Variants in SETD1A observed in about 807,000 individuals in gnomAD.
SETD1A encodes SET domain containing 1A, histone lysine methyltransferase.
In SETD1A, 29 loss-of-function variants were observed where a neutral mutation model predicts 149.9. The ratio of observed to expected loss-of-function variants is 0.19; its 90% CI spans 0.14 to 0.26. The LOEUF (loss-of-function observed/expected upper bound fraction) is 0.26, where lower values mean the gene tolerates loss of function less well. Ranked by LOEUF, SETD1A falls within the 10% of genes least tolerant of loss-of-function variation. The probability of loss-of-function intolerance (pLI) is 1.00; values close to 1 mark genes in which losing one functional copy is unlikely to be tolerated. For synonymous variants in SETD1A, 1,141 were observed against 968.5 expected, an observed-to-expected ratio of 1.18 and a Z score of -3.31; for missense variants, 2,109 against 2,353.1, an observed-to-expected ratio of 0.90 and a Z score of 2.15.
Position 30,979,328 on chromosome 16 carries a change from C to T in SETD1A, c.3542C>T (p.Pro1181Leu), listed in dbSNP as rs2056330630. ...SAIEVVPAPE[P>L]PPATPPQAKF... The stretch of plus-strand genomic sequence containing the variant: ...ATCGAGGTGGTGCCAGCCCCGGAGC[C>T]CCCTCCAGCCACACCGCCGCAGGCC... Residue 1181 changes from proline (P) to leucine (L), a missense_variant, in exon 14 of 19, where the codon CCC (proline) becomes CTC (leucine). By Grantham distance (98) the Pro-to-Leu change is moderately conservative. This residue lies in a region of SETD1A where 832 missense variants were observed against 815.6 expected (regional missense o/e 1.02). Coordinates refer to ENST00000262519, the MANE Select transcript of SETD1A (RefSeq NM_014712.3). The T allele has an allele frequency of 6.2e-7, 1 of 1,613,560 alleles. No homozygotes were observed. The highest frequency in any genetic ancestry group is 1.1e-5 in the South Asian group (1 of 91,064).
chr16:30,961,171 C>G lies in SETD1A; in HGVS notation c.247-96C>G, dbSNP rs962008620. 3.1e-6 allele frequency: 4 copies of G among 1,310,684 alleles called. No individual in the cohort carries two copies. Among genetic ancestry groups the G allele is most frequent in the Admixed American group, 2.0e-5 (1 of 49,274 alleles). The allele number at this position is 1,310,684 out of a possible 1,614,324, so 81.2% of individuals were successfully genotyped here. ...CCTTGCCCCTCACTTTCCCGGATCT[C>G]TCTCTTGACTTCATGGAGCTTGCTA... On this transcript the variant is annotated intron_variant, in intron 3 of 18. Transcript: ENST00000262519. The surrounding 1 kb of genome is among the most constrained non-coding windows in gnomAD (Gnocchi z 4.0).
chr16:30,979,661 T>A lies in SETD1A; in HGVS notation c.3875T>A (p.Leu1292Gln), dbSNP rs769026426. Residue 1292 changes from leucine to glutamine, a missense_variant, in exon 14 of 19, where the codon CTG becomes CAG. Around this residue, in one of 8 missense-constraint regions of SETD1A, gnomAD observed 832 missense variants for 815.6 expected, o/e 1.02. Coordinates refer to ENST00000262519, the MANE Select transcript of SETD1A (RefSeq NM_014712.3). Reference sequence around the variant, plus strand: ...GACGAGGCCGAGCGCCCTAGGCCCCTGCTCAGCCACATCCTCCTGGAGCAC... The same window carrying A: ...GACGAGGCCGAGCGCCCTAGGCCCCAGCTCAGCCACATCCTCCTGGAGCAC... ...TSDEAERPRP[L>Q]LSHILLEHNY... 70 of 1,608,968 alleles carry A rather than the reference T, an allele frequency of 4.4e-5. No homozygotes were observed. The highest frequency in any genetic ancestry group is 2.9e-4 in the East Asian group (13 of 44,834).
Position 30,980,018 on chromosome 16 carries a change from C to A in SETD1A, c.4232C>A (p.Pro1411Gln), listed in dbSNP as rs142782803. ...RRPPPPPPPP[P>Q]PRAYEPRSEF... ...CCTCCGCCCCCACCCCCGCCGCCAC[C>A]GCCCCGCGCCTACGAGCCACGCAGT... Residue 1411 changes from proline (P) to glutamine (Q), a missense_variant, in exon 14 of 19, where the codon CCG becomes CAG. By Grantham distance (76) the Pro-to-Gln change is moderately conservative. Transcript: ENST00000262519. This position sits in a 1 kb window ranked among gnomAD's most constrained non-coding sequence, Gnocchi z 7.7. 6 of 1,538,648 alleles carry A rather than the reference C, an allele frequency of 3.9e-6. No individual in the cohort carries two copies. The highest frequency in any genetic ancestry group is 2.5e-5 in the East Asian group (1 of 39,674).
At chr16:30,960,135 G>A (rs1026627749) in intron 3 of SETD1A, among the ~76,000 whole-genome samples, 2 of 151,844 alleles carry the variant, frequency 1.3e-5, no homozygotes, top group East Asian at 1.9e-4. Flanking sequence ...GTAGACCTTG[G>A]TATTCATTTC....
intron 13 of SETD1A, among the ~76,000 whole-genome samples, chr16:30,977,072 C>T (rs772373150): frequency 2.0e-5 from 3 of 152,096 alleles, no homozygotes; most frequent in Non-Finnish European, 4.4e-5. Flanking sequence ...CTCAGCCTCC[C>T]GAGTAGGTGG....
chr16:30,972,336 G>A (rs1353909386), intron 13 of SETD1A, among the ~76,000 whole-genome samples: 1 of 152,102 alleles, frequency 6.6e-6, no homozygotes, highest in Non-Finnish European at 1.5e-5. Context: ...CATCTTCATT[G>A]AGTAAGAAAT....
At position 30,966,056 on chromosome 16, in the gene SETD1A, C is replaced by G; in HGVS notation, c.2175C>G (p.Ala725=). Residue 725 remains alanine (A), a synonymous_variant, in exon 8 of 19, where the codon GCC becomes GCG. Coordinates refer to ENST00000262519, the MANE Select transcript of SETD1A (RefSeq NM_014712.3). ...CGTTTCCACCCCCGCAGGAGGCAGC[C>G]TACGGCTTGCCGTATGCTCTATATG... ...FLPFPPPQEA[A]YGLPYALYAQ... is the part of the protein sequence containing the mutation. 6.3e-7 allele frequency: 1 copy of G among 1,574,854 alleles called. No individual in the cohort carries two copies. The highest frequency in any genetic ancestry group is 1.2e-5 in the South Asian group (1 of 84,830).
chr16:30,984,236 T>G lies in SETD1A; in HGVS notation c.*213T>G. 1 of 569,034 alleles carries G rather than the reference T, an allele frequency of 1.8e-6. No homozygotes were observed. Among genetic ancestry groups the G allele is most frequent in the Non-Finnish European group, 3.1e-6 (1 of 319,888 alleles). 35.2% of individuals were successfully genotyped at this position (569,034 alleles called of 1,614,324 possible). On this transcript the variant is annotated 3_prime_UTR_variant, in exon 19 of 19. Coordinates refer to ENST00000262519, the MANE Select transcript of SETD1A (RefSeq NM_014712.3). ...CTGCCCACCACCCCCTGATTGTTTT[T>G]CTTTGCGGAGAAGAAGCTGTAAATG...
At chr16:30,960,572 G>C (rs969318112) in intron 3 of SETD1A, among the ~76,000 whole-genome samples, 4 of 152,100 alleles carry the variant, frequency 2.6e-5, no homozygotes, top group Non-Finnish European at 4.4e-5. Flanking sequence ...ATGTCATGCT[G>C]CTTTTCTGTA....
chr16:30,979,483 G>A lies in SETD1A; in HGVS notation c.3697G>A (p.Ala1233Thr). 6.2e-7 allele frequency: 1 copy of A among 1,600,412 alleles called. No individual in the cohort carries two copies. The highest frequency in any genetic ancestry group is 8.5e-7 in the Non-Finnish European group (1 of 1,174,030). Reference sequence around the variant, plus strand: ...GGTGTCCCGAGGAGGCCGGAGCCGGGCTGGAGGCCGAGGCCGCCTCACCGA... The same window carrying A: ...GGTGTCCCGAGGAGGCCGGAGCCGGACTGGAGGCCGAGGCCGCCTCACCGA... The part of the protein sequence containing the change: ...EEVSRGGRSR[A>T]GGRGRLTEEE... The change falls in exon 14 of 19, where the codon GCT (alanine) becomes ACT (threonine). Residue 1233 changes from alanine (A) to threonine (T), a missense_variant. Transcript: ENST00000262519.
At position 30,980,007 on chromosome 16, in the gene SETD1A, C is replaced by A; in HGVS notation, c.4221C>A (p.Pro1407=). Residue 1407 remains proline, a synonymous_variant, in exon 14 of 19, where the codon CCC becomes CCA. Transcript: ENST00000262519. This position sits in a 1 kb window ranked among gnomAD's most constrained non-coding sequence, Gnocchi z 7.7. Reference sequence around the variant, plus strand: ...GGCGCCGCCGCCCTCCGCCCCCACCCCCGCCGCCACCGCCCCGCGCCTACG... The same window carrying A: ...GGCGCCGCCGCCCTCCGCCCCCACCACCGCCGCCACCGCCCCGCGCCTACG... ...HARRRRPPPP[P]PPPPPRAYEP... 1.3e-6 allele frequency: 2 copies of A among 1,496,340 alleles called. No homozygotes were observed. The highest frequency in any genetic ancestry group is 2.9e-5 in the African/African-American group (2 of 69,666). 92.7% of individuals were successfully genotyped at this position (1,496,340 alleles called of 1,614,324 possible). A position where few individuals can be genotyped will look rare whatever the true frequency, so the allele number is the denominator to read the frequency against.
chr16:30,969,209 AG>A (rs2056192870), intron 10 of SETD1A, 95 bp from the exon 11 acceptor site: 1 of 1,222,614 alleles, frequency 8.2e-7, no homozygotes. Context: ...GAAGACCATC[AG>A]GAAGATTGGT....
At position 30,980,194 on chromosome 16, in the gene SETD1A, A is replaced by C; in HGVS notation, c.4408A>C (p.Ile1470Leu). 1 of 1,601,050 alleles carries C rather than the reference A, an allele frequency of 6.2e-7. No individual in the cohort carries two copies. The highest frequency in any genetic ancestry group is 8.5e-7 in the Non-Finnish European group (1 of 1,173,014). The change falls in exon 14 of 19, where the codon ATC (isoleucine) becomes CTC (leucine). Residue 1470 changes from isoleucine to leucine, a missense_variant and splice_region_variant. By Grantham distance (5) the Ile-to-Leu change is conservative (BLOSUM62 2). Transcript: ENST00000262519. The surrounding 1 kb of genome is among the most constrained non-coding windows in gnomAD (Gnocchi z 7.7). ...LNDTHWVHHT[I>L]TNLTTPKRKR... ...CGACACTCACTGGGTCCATCACACA[A>C]ATATCCTGAGTGTGGGCGGCCTTCC...
chr16:30,978,480 C>G (rs1018088254), intron 13 of SETD1A, among the ~76,000 whole-genome samples: 1 of 152,090 alleles, frequency 6.6e-6, no homozygotes, highest in African/African-American at 2.4e-5. Flanking sequence ...ACCCCCAGCT[C>G]GGAGCCAGTG....
rs1158074092 is a variant in SETD1A at position 30,983,559 on chromosome 16, G to A, written c.4813-76G>A. The A allele has an allele frequency of 6.5e-7, 1 of 1,540,878 alleles. No homozygotes were observed. The highest frequency in any genetic ancestry group is 2.3e-5 in the East Asian group (1 of 43,564). ...TCCAGGCCTGGTGGGCGTGGACCTG[G>A]GGTGCTGGCTGGCAGGCGTGCTCAG... On this transcript the variant is annotated intron_variant, in intron 17 of 18. Coordinates refer to ENST00000262519, the MANE Select transcript of SETD1A (RefSeq NM_014712.3). This position sits in a 1 kb window ranked among gnomAD's most constrained non-coding sequence, Gnocchi z 6.8.
chr16:30,961,610 C>G lies in SETD1A; in HGVS notation c.517+73C>G. 2 of 1,449,418 alleles carry G rather than the reference C, an allele frequency of 1.4e-6. No homozygotes were observed. The highest frequency in any genetic ancestry group is 2.4e-5 in the South Asian group (2 of 82,886). 89.8% of individuals were successfully genotyped at this position (1,449,418 alleles called of 1,614,324 possible). On this transcript the variant is annotated intron_variant, in intron 4 of 18. Coordinates refer to ENST00000262519, the MANE Select transcript of SETD1A (RefSeq NM_014712.3). The surrounding 1 kb of genome is among the most constrained non-coding windows in gnomAD (Gnocchi z 4.0). Reference sequence around the variant, plus strand: ...TGTACATGCAAATGCCTGTCAGGGTCAGGCAGGCGCCCAGGGTCATGATCT... The same window carrying G: ...TGTACATGCAAATGCCTGTCAGGGTGAGGCAGGCGCCCAGGGTCATGATCT...
At chr16:30,966,769 G>A in intron 8 of SETD1A, 115 bp from the exon 9 acceptor site, 3 of 1,223,722 alleles carry the variant, frequency 2.5e-6, no homozygotes, top group South Asian at 1.6e-5. Context: ...GTGTGACCAA[G>A]ATATGGAGCA....
Position 30,965,834 on chromosome 16 carries a change from A to G in SETD1A, c.1953A>G (p.Pro651=), listed in dbSNP as rs1423985497. Residue 651 remains proline (P), a synonymous_variant, in exon 8 of 19, where the codon CCA becomes CCG. Transcript: ENST00000262519. Reference sequence around the variant, plus strand: ...CCCCTGAGTACCCCCCACCTCCTCCACCACCCCCGCACATCTATGACTTTG... The same window carrying G: ...CCCCTGAGTACCCCCCACCTCCTCCGCCACCCCCGCACATCTATGACTTTG... The part of the protein sequence containing the change: ...PPPPEYPPPP[P]PPPHIYDFVN... The G allele has an allele frequency of 4.1e-6, 5 of 1,211,964 alleles. No individual in the cohort carries two copies. The highest frequency in any genetic ancestry group is 2.2e-4 in the Middle Eastern group (1 of 4,614). The allele number at this position is 1,211,964 out of a possible 1,614,324, so 75.1% of individuals were successfully genotyped here.
intron 9 of SETD1A, 50 bp downstream of exon 9, chr16:30,967,110 G>A (rs202120143): frequency 2.8e-6 from 4 of 1,425,898 alleles, no homozygotes; most frequent in East Asian, 2.4e-5. Flanking sequence ...GGGAGAGGGG[G>A]CCCCCTTCCT....
Sources: gnomAD v4.1 joint callset for allele counts (sites outside exome capture counted in the v4.1 genomes callset) on GRCh38, gnomAD v4.1.1 for gene constraint, gnomAD v4.1.1 regional missense constraint, Gnocchi (gnomAD v3.1) non-coding constraint, MANE v1.5 for transcripts, NCBI Gene and HGNC (gene_info 2026-07-23, HGNC 2026-07-21) for gene names.